FGGY: variants seen among roughly 807,000 people sequenced by gnomAD.
FGGY encodes FGGY carbohydrate kinase domain containing.
Under a neutral mutation model 71.3 loss-of-function variants are expected in FGGY, and 72 were observed. That is an observed-to-expected ratio of 1.01 (90% CI 0.84 to 1.23). The LOEUF (loss-of-function observed/expected upper bound fraction) is 1.23, where lower values mean the gene tolerates loss of function less well. FGGY is among the 50% of genes most tolerant of loss of function. The pLI is 0.00. For missense variants in FGGY, 668 were observed against 682.3 expected, an observed-to-expected ratio of 0.98 and a Z score of 0.23; for synonymous variants, 251 against 250.3, an observed-to-expected ratio of 1.00 and a Z score of -0.02.
At chr1:59,563,662 A>C (rs1443882316) in intron 8 of FGGY, among the ~76,000 whole-genome samples, 3 of 152,226 alleles carry the variant, frequency 2.0e-5, no homozygotes, top group Non-Finnish European at 4.4e-5. Flanking sequence ...ACTACCATTG[A>C]CTTTCTTCAC....
intron 4 of FGGY, among the ~76,000 whole-genome samples, chr1:59,360,278 G>C (rs1381299167): frequency 2.6e-5 from 4 of 152,102 alleles, no homozygotes; most frequent in Non-Finnish European, 5.9e-5. Context: ...CTGTGAACCT[G>C]AGAGAGATGA....
chr1:59,681,798 A>G (rs1415511680), intron 14 of FGGY, among the ~76,000 whole-genome samples: 1 of 82,942 alleles, frequency 1.2e-5, no homozygotes, highest in African/African-American at 3.7e-5. Context: ...ACACACACAC[A>G]CACACATGCA....
chr1:59,421,832 C>G (rs2065491323), intron 5 of FGGY, among the ~76,000 whole-genome samples: 1 of 152,122 alleles, frequency 6.6e-6, no homozygotes, highest in Admixed American at 6.5e-5. Context: ...CCACAGTCAG[C>G]CACTGTGGTC....
intron 14 of FGGY, among the ~76,000 whole-genome samples, chr1:59,687,591 C>T (rs1182256756): frequency 4.0e-5 from 6 of 151,766 alleles, no homozygotes; most frequent in African/African-American, 7.3e-5. Flanking sequence ...CTCAGCCTCC[C>T]GAGTAGCTGG....
intron 6 of FGGY, among the ~76,000 whole-genome samples, chr1:59,499,379 G>C (rs192664998): frequency 7.1e-6 from 1 of 141,598 alleles, no homozygotes; most frequent in Admixed American, 7.7e-5. Context: ...GCATGGATTT[G>C]CTGGACAAAG....
At chr1:59,723,570 G>C (rs899109668) in intron 14 of FGGY, among the ~76,000 whole-genome samples, 2 of 148,760 alleles carry the variant, frequency 1.3e-5, no homozygotes, top group Non-Finnish European at 3.0e-5. Flanking sequence ...TTTTGGGGGG[G>C]GGTGGTTGGG....
chr1:59,499,071 C>T (rs938963136), intron 6 of FGGY, among the ~76,000 whole-genome samples: 2 of 152,116 alleles, frequency 1.3e-5, no homozygotes, highest in Non-Finnish European at 2.9e-5. Context: ...AGTCTCTCAC[C>T]ATAGGTTAAT....
intron 8 of FGGY, among the ~76,000 whole-genome samples, chr1:59,572,610 A>G (rs879716418): frequency 6.6e-6 from 1 of 152,174 alleles, no homozygotes; most frequent in Admixed American, 6.5e-5. Flanking sequence ...GAAGACTGGG[A>G]GTCTGTGTGA....
At chr1:59,432,837 T>C (rs987445783) in intron 5 of FGGY, among the ~76,000 whole-genome samples, 26 of 152,222 alleles carry the variant, frequency 1.7e-4, no homozygotes, top group Admixed American at 1.7e-3. Context: ...ATTGAAAGGC[T>C]AAGTGACATG....
At chr1:59,647,362 T>G (rs940993919) in intron 11 of FGGY, among the ~76,000 whole-genome samples, 2 of 152,194 alleles carry the variant, frequency 1.3e-5, no homozygotes, top group African/African-American at 4.8e-5. Flanking sequence ...GCAAACAAAG[T>G]AGTGTTGTGT....
intron 6 of FGGY, among the ~76,000 whole-genome samples, chr1:59,471,862 A>G (rs936616543): frequency 6.6e-6 from 1 of 152,264 alleles, no homozygotes; most frequent in Non-Finnish European, 1.5e-5. Context: ...GGAGAAGCAG[A>G]GCAGGCAGTC....
At chr1:59,628,324 T>C (rs2096878160) in intron 10 of FGGY, among the ~76,000 whole-genome samples, 1 of 152,196 alleles carries the variant, frequency 6.6e-6, no homozygotes, top group Non-Finnish European at 1.5e-5. Context: ...AGTGTAAATA[T>C]GGGAAGCATC....
chr1:59,553,882 T>G, intron 7 of FGGY: 4 of 361,098 alleles, frequency 1.1e-5, no homozygotes, highest in Non-Finnish European at 1.0e-5. Flanking sequence ...ATTACTGCCA[T>G]TATTATAACG....
intron 14 of FGGY, among the ~76,000 whole-genome samples, chr1:59,682,137 A>G (rs754560476): frequency 2.6e-5 from 4 of 152,200 alleles, no homozygotes; most frequent in Non-Finnish European, 5.9e-5. Context: ...ATAATTTTAC[A>G]AATGAGGAAA....
intron 14 of FGGY, among the ~76,000 whole-genome samples, chr1:59,702,701 C>T (rs1005735908): frequency 2.0e-5 from 3 of 152,148 alleles, no homozygotes; most frequent in African/African-American, 7.2e-5. Context: ...AACTAGCCAT[C>T]TTCAAACCCG....
At position 59,505,237 on chromosome 1, in the gene FGGY, C is replaced by T. The variant is rs374562164; in HGVS notation, c.671-7074C>T. ...AAGAGGTATTGGATGGGAATAGTGT[C>T]GACTAGAAAGTAAGCTACTTGAGCG... On this transcript the variant is annotated intron_variant, in intron 6 of 15. Coordinates refer to ENST00000303721, the MANE Select transcript of FGGY (RefSeq NM_018291.5). 2.0e-4 allele frequency among the ~76,000 whole-genome samples: 30 copies of T among 152,288 alleles called. 1 individual carries two copies. The East Asian group carries it at 5.2e-3, about 26-fold the overall frequency.
At chr1:59,463,959 GA>G (rs1300522029) in intron 6 of FGGY, among the ~76,000 whole-genome samples, 4 of 152,134 alleles carry the variant, frequency 2.6e-5, no homozygotes, top group Admixed American at 2.0e-4. Context: ...AGATCAACAA[GA>G]CAGAAGCTTA....
intron 14 of FGGY, among the ~76,000 whole-genome samples, chr1:59,720,707 T>C (rs575722207): frequency 1.6e-4 from 24 of 152,328 alleles, no homozygotes; most frequent in Non-Finnish European, 2.6e-4. Flanking sequence ...TTATGATGAA[T>C]ACTTGTGCCT....
At chr1:59,724,320 C>CAA (rs1321972030) in intron 14 of FGGY, among the ~76,000 whole-genome samples, 6 of 135,628 alleles carry the variant, frequency 4.4e-5, no homozygotes, top group African/African-American at 1.3e-4. Flanking sequence ...ACTAAAAATA[C>CAA]AAAAAAAAAA....
Sources: allele counts gnomAD v4.1 joint callset (sites outside exome capture counted in the v4.1 genomes callset), GRCh38; gene constraint gnomAD v4.1.1; transcripts MANE v1.5; gene names NCBI Gene and HGNC (gene_info 2026-07-23, HGNC 2026-07-21).